CD36: variants seen among roughly 807,000 people sequenced by gnomAD.
CD36 encodes the protein platelet glycoprotein 4.
CD36 carries 119 observed loss-of-function variants against 55.2 expected under a neutral mutation model. That is an observed-to-expected ratio of 2.15 (90% CI 1.86 to 2.51). The LOEUF is 2.51. CD36 is among the 30% of genes most tolerant of loss of function. The pLI, the probability that CD36 is intolerant of heterozygous loss-of-function variation, is 0.00. For missense variants in CD36, 819 were observed against 555.5 expected (o/e 1.47, Z -4.77); for synonymous variants, 186 against 193.6 (o/e 0.96, Z 0.33).
chr7:80,655,875 T>G (rs1374894025), intron 3 of CD36, among the ~76,000 whole-genome samples: 1 of 150,772 alleles, frequency 6.6e-6, no homozygotes, highest in Admixed American at 6.6e-5. Flanking sequence ...GAGCCAAGAT[T>G]GTACCACTGT....
chr7:80,629,564 C>A (rs1339574711), intron 1 of CD36, among the ~76,000 whole-genome samples: 1 of 152,002 alleles, frequency 6.6e-6, no homozygotes, highest in African/African-American at 2.4e-5. Context: ...TGGAAACTAA[C>A]CAGCCAAGCA....
At chr7:80,615,653 G>C (rs753776246) in intron 1 of CD36, among the ~76,000 whole-genome samples, 1 of 152,130 alleles carries the variant, frequency 6.6e-6, no homozygotes, top group Non-Finnish European at 1.5e-5. Flanking sequence ...TATGATTAAA[G>C]GTCAGTTAGT....
intron 9 of CD36, chr7:80,670,400 C>T: frequency 3.7e-6 from 1 of 272,590 alleles, no homozygotes; most frequent in East Asian, 9.6e-5. Context: ...TTACCACTAC[C>T]CTTGAGCCCA....
At chr7:80,627,404 G>A (rs560804188) in intron 1 of CD36, among the ~76,000 whole-genome samples, 4 of 151,772 alleles carry the variant, frequency 2.6e-5, no homozygotes, top group South Asian at 4.2e-4. Flanking sequence ...AATTCCCAGG[G>A]GTCCTTGCTT....
chr7:80,666,585 G>C, intron 8 of CD36, 96 bp downstream of exon 8: 3 of 922,074 alleles, frequency 3.3e-6, no homozygotes, highest in Non-Finnish European at 5.4e-6. Context: ...TTGAGGGTGT[G>C]TGTTTACTTG....
rs1264868608 is a variant in CD36, at chr7:80,672,052, C to T, written c.1125+12C>T. ...TGGATATTGAACCTGTAAGAAAACA[C>T]CTTATTGATCTGATTTGGTTGATAT... On this transcript the variant is annotated intron_variant, in intron 11 of 14. Transcript: ENST00000447544. 6.3e-7 allele frequency: 1 copy of T among 1,590,008 alleles called. No homozygotes were observed. The highest frequency in any genetic ancestry group is 1.1e-5 in the South Asian group (1 of 90,368).
At chr7:80,644,542 A>G (rs1170446445) in intron 1 of CD36, among the ~76,000 whole-genome samples, 1 of 152,186 alleles carries the variant, frequency 6.6e-6, no homozygotes, top group Non-Finnish European at 1.5e-5. Flanking sequence ...TATTTGTAAC[A>G]TTTATTCCTA....
Position 80,672,155 on chromosome 7 carries a change from C to G in CD36, c.1125+115C>G, listed in dbSNP as rs1797746744. On this transcript the variant is annotated intron_variant, in intron 11 of 14. Transcript: ENST00000447544. ...ATAAATAATCATATTTATTGAATCA[C>G]ATTCTTGAAAGTTACTGAAACTTAG... 1.5e-5 allele frequency: 13 copies of G among 893,862 alleles called. No homozygotes were observed. In the East Asian group the frequency reaches 3.6e-4, roughly 25 times the overall value. The allele number at this position is 893,862 out of a possible 1,614,324, so 55.4% of individuals were successfully genotyped here. A position where few individuals can be genotyped will look rare whatever the true frequency, so the allele number is the denominator to read the frequency against.
chr7:80,603,769 C>CAAAAA (rs371964967), intron 1 of CD36, among the ~76,000 whole-genome samples: 93 of 94,374 alleles, frequency 9.9e-4, no homozygotes, highest in African/African-American at 2.5e-3. Context: ...TACAGTCAGG[C>CAAAAA]AAAAAAAAAA....
intron 1 of CD36, among the ~76,000 whole-genome samples, chr7:80,622,517 G>C: frequency 6.6e-6 from 1 of 152,160 alleles, no homozygotes; most frequent in East Asian, 1.9e-4. Flanking sequence ...ACAGAAAAAA[G>C]AGCAAAACAA....
At chr7:80,643,174 A>G (rs551426405) in intron 1 of CD36, among the ~76,000 whole-genome samples, 2 of 152,258 alleles carry the variant, frequency 1.3e-5, no homozygotes, top group South Asian at 4.2e-4. Flanking sequence ...TCTTCTCTGT[A>G]GTGCATGGAG....
chr7:80,639,933 C>T (rs897426363), intron 1 of CD36: 3 of 151,936 alleles, frequency 2.0e-5, no homozygotes, highest in African/African-American at 7.2e-5. Context: ...ACTGGAGGTA[C>T]TTGCACAGAG....
intron 13 of CD36, 178 bp from the exon 14 acceptor site, chr7:80,673,805 C>CTCTA (rs1797970787): frequency 1.5e-6 from 1 of 645,370 alleles, no homozygotes; most frequent in African/African-American, 1.8e-5. Flanking sequence ...GAGTACCGTA[C>CTCTA]TCTATCTGGC....
chr7:80,640,930 A>G (rs955317045), intron 1 of CD36, among the ~76,000 whole-genome samples: 1 of 152,062 alleles, frequency 6.6e-6, no homozygotes, highest in Non-Finnish European at 1.5e-5. Context: ...TTACATTTTT[A>G]CCATCATATA....
chr7:80,617,950 C>T (rs1395918441), intron 1 of CD36, among the ~76,000 whole-genome samples: 5 of 152,042 alleles, frequency 3.3e-5, no homozygotes, highest in Admixed American at 6.6e-5. Flanking sequence ...TAGTTTAGGA[C>T]AGAATTTTAT....
chr7:80,674,100 G>GCTTTTATGATTTCATAT lies in CD36; in HGVS notation c.1373_1389dup (p.Cys464LeufsTer3), dbSNP rs1291812134. ...CAGTGTTGGTGTGGTGATGTTTGTT[G>GCTTTTATGATTTCATAT]CTTTTATGATTTCATATTGTGCATG... is the stretch of plus-strand genomic sequence containing the variant. On this transcript the variant is annotated frameshift_variant, in exon 14 of 15. Coordinates refer to ENST00000447544, the MANE Select transcript of CD36 (RefSeq NM_001001548.3). LOFTEE classifies it high-confidence loss of function. The GCTTTTATGATTTCATAT allele has an allele frequency of 6.2e-7, 1 of 1,612,338 alleles. No homozygotes were observed. Among genetic ancestry groups the GCTTTTATGATTTCATAT allele is most frequent in the Admixed American group, 1.7e-5 (1 of 59,854 alleles).
intron 1 of CD36, among the ~76,000 whole-genome samples, chr7:80,643,728 GATCTCATTTTATC>G (rs1315142747): frequency 3.3e-5 from 5 of 152,132 alleles, no homozygotes; most frequent in African/African-American, 9.7e-5. Context: ...AAAAAATGCT[GATCTCATTTTATC>G]ATCTCATTTT....
chr7:80,664,451 G>T lies in CD36; in HGVS notation c.655G>T (p.Asp219Tyr), dbSNP rs201715989. The change falls in exon 7 of 15, where the codon GAT (aspartate) becomes TAT (tyrosine). Residue 219 changes from aspartate (D) to tyrosine (Y), a missense_variant. By Grantham distance (160) the Asp-to-Tyr change is radical. Transcript: ENST00000447544. ...AGTTTATAAAGTTTTCAATGGAAAA[G>T]ATAACATAAGTAAAGTTGCCATAAT... ...DGVYKVFNGKDNISKVAIIDT... is the reference protein window; with the variant it reads ...DGVYKVFNGKYNISKVAIIDT... 1.8e-4 allele frequency: 282 copies of T among 1,582,820 alleles called. No homozygotes were observed. Among genetic ancestry groups the T allele is most frequent in the Admixed American group, 5.0e-4 (30 of 59,910 alleles).
intron 1 of CD36, chr7:80,625,060 G>C (rs912775255): frequency 1.3e-5 from 2 of 152,120 alleles, no homozygotes; most frequent in Non-Finnish European, 2.9e-5. Context: ...TTTAGTCATT[G>C]TATTGGCTTG....
Sources: gnomAD v4.1 joint callset for allele counts (sites outside exome capture counted in the v4.1 genomes callset) on GRCh38, gnomAD v4.1.1 for gene constraint, MANE v1.5 for transcripts, NCBI Gene and HGNC (gene_info 2026-07-23, HGNC 2026-07-21) for gene names.